Variants in AKT3 observed in about 807,000 individuals in gnomAD.
AKT3 encodes RAC-gamma serine/threonine-protein kinase.
A neutral mutation model predicts 65.3 loss-of-function variants in AKT3; 15 were observed. That is an observed-to-expected ratio of 0.23 (90% CI 0.15 to 0.35). AKT3 has a LOEUF of 0.35. AKT3 is among the 10% of genes least tolerant of loss of function. The pLI, the probability that AKT3 is intolerant of heterozygous loss-of-function variation, is 1.00. For synonymous variants in AKT3, 206 were observed against 183.8 expected (o/e 1.12, Z -0.98); for missense variants, 243 against 576.5 (o/e 0.42, Z 5.92).
intron 2 of AKT3, among the ~76,000 whole-genome samples, chr1:243,738,400 T>C (rs1687960716): frequency 6.6e-6 from 1 of 152,206 alleles, no homozygotes; most frequent in African/African-American, 2.4e-5. Flanking sequence ...GAAATGCATC[T>C]TATTTCTTAG....
intron 6 of AKT3, among the ~76,000 whole-genome samples, chr1:243,633,183 A>G (rs1402325724): frequency 6.6e-6 from 1 of 152,216 alleles, no homozygotes; most frequent in South Asian, 2.1e-4. Context: ...GTATCAAGAC[A>G]TTTCTAGGTA....
intron 11 of AKT3, among the ~76,000 whole-genome samples, chr1:243,548,763 C>T (rs1672845037): frequency 6.6e-6 from 1 of 152,134 alleles, no homozygotes; most frequent in South Asian, 2.1e-4. Context: ...TTCCTATCAA[C>T]TCCGCATAGG....
intron 8 of AKT3, among the ~76,000 whole-genome samples, chr1:243,573,362 G>A (rs1322675779): frequency 6.6e-6 from 1 of 152,056 alleles, no homozygotes; most frequent in Non-Finnish European, 1.5e-5. Flanking sequence ...TCACTATACT[G>A]TTGCTTCACT....
intron 12 of AKT3, among the ~76,000 whole-genome samples, chr1:243,542,277 T>C (rs984051512): frequency 2.0e-5 from 3 of 152,202 alleles, no homozygotes; most frequent in African/African-American, 7.2e-5. Flanking sequence ...TCATATCTTT[T>C]GCATGAGTAA....
chr1:243,778,314 A>G (rs1690685472), intron 2 of AKT3, among the ~76,000 whole-genome samples: 1 of 152,248 alleles, frequency 6.6e-6, no homozygotes, highest in South Asian at 2.1e-4. Context: ...AAGAGCAATA[A>G]TAGACAATTA....
In AKT3 at chr1:243,809,807, AAAG is replaced by A. The variant is rs552087528; in HGVS notation, c.46+33315_46+33317del. On this transcript the variant is annotated intron_variant, in intron 2 of 13. Coordinates refer to ENST00000673466, the MANE Select transcript of AKT3 (RefSeq NM_005465.7). The stretch of plus-strand genomic sequence containing the variant: ...AGTAAAGCACTCCTCAGCAAATGTA[AAAG>A]AACAGAAATTATAACAAACTGTTTC... Among the ~76,000 whole-genome samples the A allele has an allele frequency of 4.9e-4, 75 of 152,350 alleles. No homozygotes were observed. The East Asian group carries it at 0.014, about 29-fold the overall frequency.
intron 8 of AKT3, among the ~76,000 whole-genome samples, chr1:243,581,733 T>A (rs1675373459): frequency 6.6e-6 from 1 of 151,830 alleles, no homozygotes. Flanking sequence ...TCTACAGAAA[T>A]GGTCCCTAAC....
rs1232446124 is a variant in AKT3, at chr1:243,642,915, T to G, written c.429+2978A>C. Among the ~76,000 whole-genome samples, 6 of 152,126 alleles carry G rather than the reference T, an allele frequency of 3.9e-5. No individual in the cohort carries two copies. In the South Asian group the frequency reaches 1.2e-3, roughly 31 times the overall value. ...AAGAATACCACAGTATTAGCATATT[T>G]GGTCAAAAAAAGATAAATTCCAGAT... is the stretch of plus-strand genomic sequence containing the variant. On this transcript the variant is annotated intron_variant, in intron 5 of 13. Transcript: ENST00000673466.
intron 2 of AKT3, among the ~76,000 whole-genome samples, chr1:243,731,543 G>T (rs147290035): frequency 1.1e-4 from 17 of 152,278 alleles, no homozygotes; most frequent in African/African-American, 4.1e-4. Flanking sequence ...GCTAGCCACC[G>T]CAGCTATTTA....
At chr1:243,680,435 GCATTT>G (rs1357213469) in intron 3 of AKT3, among the ~76,000 whole-genome samples, 1 of 151,984 alleles carries the variant, frequency 6.6e-6, no homozygotes, top group Non-Finnish European at 1.5e-5. Flanking sequence ...CTCTTCCCCT[GCATTT>G]CATTTTTTCA....
At chr1:243,730,526 C>T (rs1687488186) in intron 2 of AKT3, among the ~76,000 whole-genome samples, 1 of 152,194 alleles carries the variant, frequency 6.6e-6, no homozygotes, top group Non-Finnish European at 1.5e-5. Flanking sequence ...CTTCTGGGGG[C>T]CGAGACATCA....
chr1:243,771,664 T>C (rs1690194253), intron 2 of AKT3, among the ~76,000 whole-genome samples: 1 of 152,124 alleles, frequency 6.6e-6, no homozygotes, highest in African/African-American at 2.4e-5. Context: ...TAACAAGGCA[T>C]TTCTATATAC....
At chr1:243,541,949 T>A (rs1348564633) in intron 12 of AKT3, among the ~76,000 whole-genome samples, 1 of 152,154 alleles carries the variant, frequency 6.6e-6, no homozygotes, top group Non-Finnish European at 1.5e-5. Flanking sequence ...TTGGAAGACA[T>A]GAAACACACG....
At chr1:243,847,061 C>G (rs1695551044) in intron 1 of AKT3, among the ~76,000 whole-genome samples, 1 of 152,188 alleles carries the variant, frequency 6.6e-6, no homozygotes, top group Non-Finnish European at 1.5e-5. Flanking sequence ...TCAGGACTAT[C>G]TTTCCAAAAG....
At chr1:243,515,055 T>A (rs1195514042) in intron 12 of AKT3, among the ~76,000 whole-genome samples, 1 of 152,236 alleles carries the variant, frequency 6.6e-6, no homozygotes, top group Non-Finnish European at 1.5e-5. Context: ...TCATAGAGTA[T>A]GTACTCTTTA....
At chr1:243,514,385 A>C (rs1240885698) in intron 12 of AKT3, among the ~76,000 whole-genome samples, 1 of 152,188 alleles carries the variant, frequency 6.6e-6, no homozygotes, top group Non-Finnish European at 1.5e-5. Flanking sequence ...GGGAGCTTAA[A>C]ATAGTCTCTG....
intron 3 of AKT3, among the ~76,000 whole-genome samples, chr1:243,671,689 C>A (rs189349779): frequency 6.6e-6 from 1 of 152,110 alleles, no homozygotes; most frequent in Non-Finnish European, 1.5e-5. Context: ...GTGATCACTA[C>A]GTTCCAAGCA....
chr1:243,616,021 T>C (rs777826064), intron 6 of AKT3, among the ~76,000 whole-genome samples: 3 of 151,972 alleles, frequency 2.0e-5, no homozygotes, highest in Admixed American at 6.6e-5. Context: ...GACTACAGGT[T>C]GTTTTTTTTC....
intron 2 of AKT3, among the ~76,000 whole-genome samples, chr1:243,720,717 T>G (rs1686836481): frequency 6.6e-6 from 1 of 152,150 alleles, no homozygotes; most frequent in South Asian, 2.1e-4. Context: ...AGTAGATAAA[T>G]ATTAAGGGTT....
Sources: allele counts gnomAD v4.1 joint callset (sites outside exome capture counted in the v4.1 genomes callset), GRCh38; gene constraint gnomAD v4.1.1; transcripts MANE v1.5; gene names NCBI Gene and HGNC (gene_info 2026-07-23, HGNC 2026-07-21).